The following KCNH1 variants were observed in gnomAD, a reference collection of about 807,000 sequenced individuals.
KCNH1 encodes the protein potassium voltage-gated channel subfamily H member 1.
KCNH1 carries 27 observed loss-of-function variants against 69.2 expected under a neutral mutation model. That is an observed-to-expected ratio of 0.39 (90% CI 0.29 to 0.54). The LOEUF (loss-of-function observed/expected upper bound fraction) is 0.54. KCNH1 is among the 20% of genes least tolerant of loss of function. KCNH1 has a pLI of 0.68. For synonymous variants in KCNH1, 456 were observed against 487.7 expected, an observed-to-expected ratio of 0.93 and a Z score of 0.86; for missense variants, 798 against 1,261.6, an observed-to-expected ratio of 0.63 and a Z score of 5.57.
At chr1:210,986,756 T>C (rs565083209) in intron 6 of KCNH1, among the ~76,000 whole-genome samples, 340 of 152,346 alleles carry the variant, frequency 2.2e-3, no homozygotes, top group African/African-American at 7.8e-3. Context: ...CTGACAATTA[T>C]GTGTCTTGGA....
At chr1:211,054,939 G>T (rs1441201271) in intron 5 of KCNH1, among the ~76,000 whole-genome samples, 1 of 152,086 alleles carries the variant, frequency 6.6e-6, no homozygotes, top group East Asian at 1.9e-4. Flanking sequence ...CAGAATAATA[G>T]CAGGCATATT....
chr1:210,896,574 A>G (rs1321659034), intron 7 of KCNH1, among the ~76,000 whole-genome samples: 2 of 152,194 alleles, frequency 1.3e-5, no homozygotes, highest in African/African-American at 4.8e-5. Context: ...TGGACCCTAG[A>G]CCCTCAGCTA....
chr1:210,940,271 C>T (rs1687853622), intron 6 of KCNH1, among the ~76,000 whole-genome samples: 1 of 152,218 alleles, frequency 6.6e-6, no homozygotes, highest in Non-Finnish European at 1.5e-5. Flanking sequence ...CAGGAAGACA[C>T]ATGCCCTTAT....
chr1:210,693,797 T>C (rs984638450), intron 10 of KCNH1, among the ~76,000 whole-genome samples: 1 of 152,274 alleles, frequency 6.6e-6, no homozygotes, highest in South Asian at 2.1e-4. Flanking sequence ...TCACCTGCAC[T>C]AGGTCCCTGA....
At chr1:211,103,678 T>C in intron 2 of KCNH1, 76 bp from the exon 3 acceptor site, 1 of 952,488 alleles carries the variant, frequency 1.0e-6, no homozygotes, top group Non-Finnish European at 1.6e-6. Flanking sequence ...ATATCTGTTC[T>C]ATATTCAGCA....
intron 10 of KCNH1, among the ~76,000 whole-genome samples, chr1:210,692,860 C>T (rs1681555132): frequency 6.6e-6 from 1 of 152,194 alleles, no homozygotes; most frequent in African/African-American, 2.4e-5. Flanking sequence ...CTCTGGCCTC[C>T]AGAACTGTGA....
chr1:210,896,372 G>A lies in KCNH1; in HGVS notation c.1462+23268C>T, dbSNP rs72757554. Among the ~76,000 whole-genome samples, 382 of 152,266 alleles carry A rather than the reference G, an allele frequency of 2.5e-3. 1 individual carries two copies. Among genetic ancestry groups the A allele is most frequent in the Non-Finnish European group, 3.2e-3 (217 of 68,028 alleles). On this transcript the variant is annotated intron_variant, in intron 7 of 10. Transcript: ENST00000271751. ...TAGAAAAAACCTGAGAAGTGACCAGGCTGTAGACAGTAGCCCTAAAACCAT... is the reference window on the plus strand; with the variant it reads ...TAGAAAAAACCTGAGAAGTGACCAGACTGTAGACAGTAGCCCTAAAACCAT...
intron 10 of KCNH1, among the ~76,000 whole-genome samples, chr1:210,766,280 CTT>C (rs1361255813): frequency 2.0e-5 from 3 of 151,928 alleles, no homozygotes; most frequent in Non-Finnish European, 4.4e-5. Context: ...AATCCCAGCA[CTT>C]TGGGAGGCTG....
At chr1:210,923,843 T>C (rs79285526) in intron 6 of KCNH1, among the ~76,000 whole-genome samples, 12,022 of 152,254 alleles carry the variant, frequency 0.079, 674 homozygotes, top group South Asian at 0.18. Flanking sequence ...TTGAACAATG[T>C]CCCCACAAAA....
At position 210,749,742 on chromosome 1, in the gene KCNH1, C is replaced by T. The variant is rs1014336287; in HGVS notation, c.2112+25606G>A. 1.1e-3 allele frequency among the ~76,000 whole-genome samples: 140 copies of T among 130,532 alleles called. 1 individual carries two copies. The highest frequency in any genetic ancestry group is 5.7e-3 in the South Asian group (23 of 4,048). 85.6% of individuals were successfully genotyped at this position (130,532 alleles called of 152,430 possible). The stretch of plus-strand genomic sequence containing the variant: ...GCATGACAGGAGCCAAGGCTGCTCA[C>T]TTTTTTTTTTTTTTTTTTGAGATGG... On this transcript the variant is annotated intron_variant, in intron 10 of 10. Transcript: ENST00000271751.
intron 6 of KCNH1, among the ~76,000 whole-genome samples, chr1:210,934,720 A>G (rs2102580374): frequency 6.6e-6 from 1 of 152,270 alleles, no homozygotes; most frequent in African/African-American, 2.4e-5. Context: ...ATGCAAGTCA[A>G]AACCACAATG....
At chr1:210,928,662 A>T (rs1318671133) in intron 6 of KCNH1, among the ~76,000 whole-genome samples, 1 of 152,198 alleles carries the variant, frequency 6.6e-6, no homozygotes, top group Non-Finnish European at 1.5e-5. Context: ...AACAAGAACA[A>T]TTCAAACCCA....
intron 10 of KCNH1, among the ~76,000 whole-genome samples, chr1:210,718,269 T>C (rs576202275): frequency 4.6e-5 from 4 of 87,874 alleles, no homozygotes; most frequent in African/African-American, 1.7e-4. Flanking sequence ...ATTATAAATA[T>C]ATGTGCATAT....
intron 9 of KCNH1, among the ~76,000 whole-genome samples, chr1:210,795,939 G>A (rs956804442): frequency 8.3e-5 from 12 of 145,006 alleles, no homozygotes; most frequent in African/African-American, 2.3e-4. Context: ...TGGCTAACAT[G>A]GTGAAACCCC....
rs1574177185 is a variant in KCNH1, at chr1:210,683,113, A to G, written c.*168T>C. ...AGGGTAGGGGCACGCTACCCTTCCC[A>G]TATCTTTTTCCAGATAGAGAAAGAG... is the stretch of plus-strand genomic sequence containing the variant. On this transcript the variant is annotated 3_prime_UTR_variant, in exon 11 of 11. Coordinates refer to ENST00000271751, the MANE Select transcript of KCNH1 (RefSeq NM_172362.3). This position sits in a 1 kb window ranked among gnomAD's most constrained non-coding sequence, Gnocchi z 5.7. 9 of 717,686 alleles carry G rather than the reference A, an allele frequency of 1.3e-5. No individual in the cohort carries two copies. The highest frequency in any genetic ancestry group is 2.1e-5 in the Non-Finnish European group (9 of 423,644). 44.5% of individuals were successfully genotyped at this position (717,686 alleles called of 1,614,324 possible).
chr1:210,872,390 T>A (rs542742705), intron 7 of KCNH1, among the ~76,000 whole-genome samples: 1 of 152,322 alleles, frequency 6.6e-6, no homozygotes, highest in Non-Finnish European at 1.5e-5. Context: ...AGTTTTCTCC[T>A]ATTTTACAAA....
intron 6 of KCNH1, among the ~76,000 whole-genome samples, chr1:210,942,499 TA>T (rs1687893089): frequency 6.6e-6 from 1 of 151,958 alleles, no homozygotes; most frequent in Admixed American, 6.5e-5. Context: ...AAAATCAAGC[TA>T]AAAAAGAAAA....
At chr1:210,729,239 G>A (rs951297355) in intron 10 of KCNH1, among the ~76,000 whole-genome samples, 1 of 152,186 alleles carries the variant, frequency 6.6e-6, no homozygotes, top group African/African-American at 2.4e-5. Context: ...GACATAAAAA[G>A]TGGCTTCTTC....
intron 6 of KCNH1, among the ~76,000 whole-genome samples, chr1:210,997,723 C>T (rs554894840): frequency 6.6e-5 from 10 of 152,098 alleles, no homozygotes; most frequent in African/African-American, 2.4e-4. Context: ...GATTCACCAA[C>T]GTTGAAATGA....
Sources: allele counts gnomAD v4.1 joint callset (sites outside exome capture counted in the v4.1 genomes callset), GRCh38; gene constraint gnomAD v4.1.1; non-coding constraint Gnocchi (gnomAD v3.1); transcripts MANE v1.5; gene names NCBI Gene and HGNC (gene_info 2026-07-23, HGNC 2026-07-21).